DGKI: variants seen among roughly 807,000 people sequenced by gnomAD.
DGKI encodes the protein diacylglycerol kinase iota.
Under a neutral mutation model 147.5 loss-of-function variants are expected in DGKI, and 55 were observed. That is an observed-to-expected ratio of 0.37 (90% CI 0.30 to 0.47). The LOEUF is 0.47. Ranked by LOEUF, DGKI falls within the 20% of genes least tolerant of loss-of-function variation. DGKI has a pLI of 1.00. For synonymous variants in DGKI, 469 were observed against 477.1 expected, an observed-to-expected ratio of 0.98 and a Z score of 0.22; for missense variants, 1,007 against 1,323.8, an observed-to-expected ratio of 0.76 and a Z score of 3.71.
At chr7:137,832,870 T>C (rs1180043804) in intron 1 of DGKI, among the ~76,000 whole-genome samples, 1 of 152,254 alleles carries the variant, frequency 6.6e-6, no homozygotes, top group Non-Finnish European at 1.5e-5. Context: ...TACAAATTTC[T>C]TTTATGAGAT....
chr7:137,715,480 C>T (rs1009086007), intron 1 of DGKI, among the ~76,000 whole-genome samples: 1 of 152,220 alleles, frequency 6.6e-6, no homozygotes, highest in African/African-American at 2.4e-5. Context: ...CCACTGCCCT[C>T]TCCCCTCCTA....
intron 1 of DGKI, among the ~76,000 whole-genome samples, chr7:137,843,196 C>G (rs1382974024): frequency 6.6e-6 from 1 of 151,820 alleles, no homozygotes; most frequent in Non-Finnish European, 1.5e-5. Context: ...CATCAGCTAC[C>G]TTCTCCTTCC....
chr7:137,641,140 A>C (rs950634477), intron 6 of DGKI, among the ~76,000 whole-genome samples: 1 of 152,148 alleles, frequency 6.6e-6, no homozygotes, highest in Non-Finnish European at 1.5e-5. Flanking sequence ...GTTTCCCTGC[A>C]CAAGCTCTCT....
At chr7:137,566,544 A>G (rs1818592156) in intron 19 of DGKI, among the ~76,000 whole-genome samples, 1 of 152,194 alleles carries the variant, frequency 6.6e-6, no homozygotes, top group Non-Finnish European at 1.5e-5. Context: ...CTTGGAAGCA[A>G]TTAGAGTCAC....
intron 3 of DGKI, among the ~76,000 whole-genome samples, chr7:137,660,815 A>G (rs1439702493): frequency 6.6e-6 from 1 of 151,976 alleles, no homozygotes; most frequent in African/African-American, 2.4e-5. Context: ...ATGATGAAAA[A>G]TAAAGATGAA....
intron 1 of DGKI, among the ~76,000 whole-genome samples, chr7:137,804,126 G>T (rs1797294758): frequency 6.6e-6 from 1 of 152,136 alleles, no homozygotes; most frequent in Admixed American, 6.5e-5. Flanking sequence ...GCAAATGCCT[G>T]GCATAGAGCA....
intron 2 of DGKI, among the ~76,000 whole-genome samples, chr7:137,681,135 C>T (rs1823222341): frequency 6.6e-6 from 1 of 152,206 alleles, no homozygotes; most frequent in African/African-American, 2.4e-5. Flanking sequence ...CCACATCTCC[C>T]AGTGCCTCAA....
At chr7:137,637,753 G>T (rs1425743698) in intron 6 of DGKI, among the ~76,000 whole-genome samples, 3 of 152,084 alleles carry the variant, frequency 2.0e-5, no homozygotes, top group African/African-American at 7.2e-5. Flanking sequence ...TCATCACTGT[G>T]GTGGTCAATT....
rs536366892 is a variant in DGKI, at chr7:137,689,354, A to T, written c.510+540T>A. ...AAAGAGTTTCAGACTATAATCTTCA[A>T]GTCAAGTTAATAGTTTTTGTGAGTG... On this transcript the variant is annotated intron_variant, in intron 2 of 32. Transcript: ENST00000614521. Among the ~76,000 whole-genome samples the T allele has an allele frequency of 2.6e-5, 4 of 152,358 alleles. No individual in the cohort carries two copies. The Middle Eastern group carries it at 0.014, about 518-fold the overall frequency.
chr7:137,498,625 G>T (rs1410478164), intron 21 of DGKI, among the ~76,000 whole-genome samples: 1 of 152,122 alleles, frequency 6.6e-6, no homozygotes, highest in African/African-American at 2.4e-5. Context: ...GGAAGACAAT[G>T]AAACAAGACC....
intron 25 of DGKI, 27 bp from the exon 26 acceptor site, chr7:137,466,062 A>G: frequency 6.2e-7 from 1 of 1,611,048 alleles, no homozygotes; most frequent in Non-Finnish European, 8.5e-7. Context: ...AGTCTGTTGC[A>G]TGAAGAATAA....
chr7:137,562,542 T>TA (rs1234053028), intron 19 of DGKI, among the ~76,000 whole-genome samples: 1 of 151,308 alleles, frequency 6.6e-6, no homozygotes, highest in East Asian at 1.9e-4. Flanking sequence ...TATCAAAAAA[T>TA]AAAAAAGAGC....
chr7:137,703,655 T>C (rs1282807377), intron 1 of DGKI, among the ~76,000 whole-genome samples: 1 of 152,152 alleles, frequency 6.6e-6, no homozygotes. Context: ...GAGACTTCAG[T>C]AGTCATACAC....
intron 1 of DGKI, among the ~76,000 whole-genome samples, chr7:137,770,155 T>C (rs1467390172): frequency 6.6e-6 from 1 of 152,126 alleles, no homozygotes; most frequent in Non-Finnish European, 1.5e-5. Flanking sequence ...AAAAATGAAA[T>C]GTCCTTTGCA....
At position 137,462,867 on chromosome 7, in the gene DGKI, C is replaced by T. The variant is rs34366399; in HGVS notation, c.2735+622G>A. Among the ~76,000 whole-genome samples the T allele has an allele frequency of 6.0e-4, 92 of 152,142 alleles. 1 individual carries two copies. The highest frequency in any genetic ancestry group is 1.4e-3 in the African/African-American group (57 of 41,458). On this transcript the variant is annotated intron_variant, in intron 27 of 32. Transcript: ENST00000614521. ...GTGGATTCACCGAGCACAAAGGTAT[C>T]GACACTGCTGTGAAACTTCAGCATG...
intron 1 of DGKI, among the ~76,000 whole-genome samples, chr7:137,712,489 A>G (rs568888078): frequency 2.0e-5 from 3 of 152,356 alleles, no homozygotes; most frequent in African/African-American, 7.2e-5. Flanking sequence ...AAATATTTTA[A>G]GCATTATAAA....
At chr7:137,681,184 T>C (rs958527627) in intron 2 of DGKI, among the ~76,000 whole-genome samples, 2 of 152,230 alleles carry the variant, frequency 1.3e-5, no homozygotes, top group South Asian at 2.1e-4. Flanking sequence ...ACCAGGATCA[T>C]TGCCCTCTAC....
intron 1 of DGKI, among the ~76,000 whole-genome samples, chr7:137,733,767 A>C: frequency 6.6e-6 from 1 of 152,078 alleles, no homozygotes; most frequent in East Asian, 1.9e-4. Context: ...ATTAGAGTGA[A>C]AAAAGAGTTA....
chr7:137,516,143 G>A (rs934290249), intron 21 of DGKI, among the ~76,000 whole-genome samples: 1 of 151,610 alleles, frequency 6.6e-6, no homozygotes, highest in African/African-American at 2.4e-5. Context: ...CTATTGATAG[G>A]GAAAAAAAAT....
Sources: allele counts gnomAD v4.1 joint callset (sites outside exome capture counted in the v4.1 genomes callset), GRCh38; gene constraint gnomAD v4.1.1; transcripts MANE v1.5; gene names NCBI Gene and HGNC (gene_info 2026-07-23, HGNC 2026-07-21).